Variants in PLPPR5 observed in about 807,000 individuals in gnomAD.
PLPPR5 encodes the protein phospholipid phosphatase-related protein type 5.
In PLPPR5, 16 loss-of-function variants were observed where a neutral mutation model predicts 33.9. The observed-to-expected ratio is 0.47, with a 90% CI of 0.32 to 0.72. The LOEUF (loss-of-function observed/expected upper bound fraction) is 0.72. Among genes scored for constraint, PLPPR5 ranks in the 30% least tolerant of loss-of-function variants. The pLI is 0.03. For missense variants in PLPPR5, 301 were observed against 406.7 expected (o/e 0.74, Z 2.23); for synonymous variants, 163 against 150.3 (o/e 1.08, Z -0.62).
chr1:98,970,069 C>A (rs1282927985), intron 1 of PLPPR5, among the ~76,000 whole-genome samples: 6 of 151,962 alleles, frequency 3.9e-5, no homozygotes, highest in Non-Finnish European at 8.8e-5. Flanking sequence ...AAACAGACTG[C>A]CAGAACAAAT....
chr1:98,955,253 T>C (rs1409128073), intron 2 of PLPPR5, among the ~76,000 whole-genome samples: 1 of 152,112 alleles, frequency 6.6e-6, no homozygotes, highest in Non-Finnish European at 1.5e-5. Flanking sequence ...AGAAGAAGCA[T>C]GCAGAGACTT....
intron 1 of PLPPR5, chr1:99,004,202 A>G (rs1480104379): frequency 1.1e-5 from 6 of 544,078 alleles, no homozygotes; most frequent in African/African-American, 1.9e-5. Flanking sequence ...CCAGTCACCC[A>G]ACGCTGAAGC....
intron 2 of PLPPR5, among the ~76,000 whole-genome samples, chr1:98,956,338 A>T (rs1266453743): frequency 1.3e-5 from 2 of 152,132 alleles, no homozygotes; most frequent in Non-Finnish European, 2.9e-5. Context: ...GTTTATTTTT[A>T]AATTTTTTAA....
chr1:98,897,948 AG>A (rs1401595599), intron 5 of PLPPR5, among the ~76,000 whole-genome samples: 3 of 152,178 alleles, frequency 2.0e-5, no homozygotes, highest in Non-Finnish European at 4.4e-5. Flanking sequence ...ACAGCTAAAA[AG>A]GAAAGTTAAA....
chr1:98,996,377 T>C (rs1027639134), intron 1 of PLPPR5, among the ~76,000 whole-genome samples: 1 of 152,062 alleles, frequency 6.6e-6, no homozygotes, highest in African/African-American at 2.4e-5. Flanking sequence ...GTACCTGGCC[T>C]GGAGAATAAA....
intron 1 of PLPPR5, among the ~76,000 whole-genome samples, chr1:98,990,302 G>A (rs1468830626): frequency 6.6e-6 from 1 of 152,152 alleles, no homozygotes; most frequent in African/African-American, 2.4e-5. Flanking sequence ...CCAAGAGGTG[G>A]AGGTTACAGT....
At chr1:98,937,062 C>A (rs1021577678) in intron 3 of PLPPR5, among the ~76,000 whole-genome samples, 1 of 152,172 alleles carries the variant, frequency 6.6e-6, no homozygotes, top group Non-Finnish European at 1.5e-5. Flanking sequence ...TAATCTCTAA[C>A]CTTTTTAAGA....
intron 3 of PLPPR5, among the ~76,000 whole-genome samples, chr1:98,950,042 T>C (rs1650719915): frequency 6.6e-6 from 1 of 152,188 alleles, no homozygotes; most frequent in African/African-American, 2.4e-5. Flanking sequence ...TGGATGCTGG[T>C]ATTATGCAGG....
At position 98,930,298 on chromosome 1, in the gene PLPPR5, G is replaced by A. The variant is rs546156691; in HGVS notation, c.622-8240C>T. 3.9e-5 allele frequency among the ~76,000 whole-genome samples: 6 copies of A among 152,286 alleles called. No individual in the cohort carries two copies. In the South Asian group the frequency reaches 1.2e-3, roughly 32 times the overall value. ...GTATCTCTGAATAGTCCTTAAAGCT[G>A]TCTGAAGTACTTAAATCTTTAGGAC... On this transcript the variant is annotated intron_variant, in intron 3 of 5. Coordinates refer to ENST00000263177, the MANE Select transcript of PLPPR5 (RefSeq NM_001037317.2).
At chr1:98,901,420 C>T (rs760016159) in intron 5 of PLPPR5, among the ~76,000 whole-genome samples, 6 of 151,844 alleles carry the variant, frequency 4.0e-5, no homozygotes, top group Non-Finnish European at 5.9e-5. Flanking sequence ...AGCTATACGC[C>T]AAGGAAGGAT....
At chr1:99,003,438 G>C (rs1328520559) in intron 1 of PLPPR5, among the ~76,000 whole-genome samples, 1 of 151,944 alleles carries the variant, frequency 6.6e-6, no homozygotes, top group Admixed American at 6.6e-5. Flanking sequence ...TGTTGAGGGA[G>C]AGAGAGAGCG....
intron 1 of PLPPR5, among the ~76,000 whole-genome samples, chr1:98,976,874 T>C (rs56068933): frequency 0.091 from 13,844 of 152,072 alleles, 731 homozygotes; most frequent in Non-Finnish European, 0.11. Flanking sequence ...GTATTTCTAT[T>C]GAGTATCGTG....
At chr1:98,893,364 G>C (rs1044790830) in intron 5 of PLPPR5, among the ~76,000 whole-genome samples, 5 of 151,994 alleles carry the variant, frequency 3.3e-5, no homozygotes, top group Admixed American at 3.3e-4. Flanking sequence ...AATTTGAAAA[G>C]ATAAAAATGG....
At position 98,954,433 on chromosome 1, in the gene PLPPR5, C is replaced by A. The variant is rs555918016; in HGVS notation, c.371-1113G>T. ...TGTTTTTCTTTTTAGTCATATATTT[C>A]TGGATTATTTGTTTCCCAAGCCTTT... On this transcript the variant is annotated intron_variant, in intron 2 of 5. Coordinates refer to ENST00000263177, the MANE Select transcript of PLPPR5 (RefSeq NM_001037317.2). 1.6e-4 allele frequency among the ~76,000 whole-genome samples: 24 copies of A among 152,106 alleles called. No homozygotes were observed. The South Asian group carries it at 3.5e-3, about 22-fold the overall frequency.
In PLPPR5 at chr1:99,004,352, C is replaced by G. The variant is rs533546024; in HGVS notation, c.237+83G>C. On this transcript the variant is annotated intron_variant, in intron 1 of 5. Transcript: ENST00000263177. ...CTTAGAAGGCAAAACCTACTGCGCC[C>G]CAACCCTTAGAGGGGCCTCAACCCC... The G allele has an allele frequency of 2.1e-5, 26 of 1,234,738 alleles. No homozygotes were observed. In the East Asian group the frequency reaches 6.3e-4, roughly 30 times the overall value. The allele number at this position is 1,234,738 out of a possible 1,614,324, so 76.5% of individuals were successfully genotyped here.
At chr1:98,975,336 T>A (rs1156962245) in intron 1 of PLPPR5, among the ~76,000 whole-genome samples, 2 of 152,080 alleles carry the variant, frequency 1.3e-5, no homozygotes, top group Non-Finnish European at 2.9e-5. Flanking sequence ...GTAACACTTG[T>A]AAATTGGAAC....
Position 99,004,763 on chromosome 1 carries a change from CGGCGGCGGA to C in PLPPR5, c.-101_-93del. Reference sequence around the variant, plus strand: ...TCCGCCGAGGCAGCCACCGGGGGCGCGGCGGCGGAGGCGGCGGGAGGACGAGGCACGGGA... The same window carrying C: ...TCCGCCGAGGCAGCCACCGGGGGCGCGGCGGCGGGAGGACGAGGCACGGGA... On this transcript the variant is annotated 5_prime_UTR_variant, in exon 1 of 6. Coordinates refer to ENST00000263177, the MANE Select transcript of PLPPR5 (RefSeq NM_001037317.2). 2 of 848,740 alleles carry C rather than the reference CGGCGGCGGA, an allele frequency of 2.4e-6. No individual in the cohort carries two copies. Among genetic ancestry groups the C allele is most frequent in the Non-Finnish European group, 3.1e-6 (2 of 642,344 alleles). 52.6% of individuals were successfully genotyped at this position (848,740 alleles called of 1,614,324 possible). A position where few individuals can be genotyped will look rare whatever the true frequency, so the allele number is the denominator to read the frequency against.
chr1:98,981,370 T>C (rs938705717), intron 1 of PLPPR5, among the ~76,000 whole-genome samples: 3 of 152,108 alleles, frequency 2.0e-5, no homozygotes, highest in Non-Finnish European at 2.9e-5. Flanking sequence ...AGTCTAGGCA[T>C]TGTTGTAGTT....
At chr1:98,895,227 T>C (rs1445703001) in intron 5 of PLPPR5, among the ~76,000 whole-genome samples, 1 of 151,970 alleles carries the variant, frequency 6.6e-6, no homozygotes, top group Non-Finnish European at 1.5e-5. Context: ...AGGTCAGTGT[T>C]TGTTATAAAA....
Sources: gnomAD v4.1 joint callset for allele counts (sites outside exome capture counted in the v4.1 genomes callset) on GRCh38, gnomAD v4.1.1 for gene constraint, MANE v1.5 for transcripts, NCBI Gene and HGNC (gene_info 2026-07-23, HGNC 2026-07-21) for gene names.